AGR2: variants seen among roughly 807,000 people sequenced by gnomAD.
AGR2 encodes the protein anterior gradient protein 2 homolog.
Under a neutral mutation model 25.9 loss-of-function variants are expected in AGR2, and 27 were observed. The ratio of observed to expected loss-of-function variants is 1.04; its 90% confidence interval spans 0.77 to 1.44. The LOEUF (loss-of-function observed/expected upper bound fraction) is 1.44. AGR2 is among the 40% of genes most tolerant of loss of function. The pLI is 0.00. For missense variants in AGR2, 182 were observed against 200.9 expected (o/e 0.91, Z 0.57); for synonymous variants, 78 against 72.0 (o/e 1.08, Z -0.42).
At chr7:16,801,908 T>TA in intron 1 of AGR2, 105 bp from the exon 2 acceptor site, 1 of 914,586 alleles carries the variant, frequency 1.1e-6, no homozygotes. Flanking sequence ...ACTGAGGCTC[T>TA]GCTGAGACTG....
At chr7:16,796,954 C>G (rs187520918) in intron 6 of AGR2, among the ~76,000 whole-genome samples, 2 of 151,718 alleles carry the variant, frequency 1.3e-5, no homozygotes, top group East Asian at 3.9e-4. Context: ...CAGAATCTCG[C>G]TCTGTTGCCC....
At position 16,799,747 on chromosome 7, in the gene AGR2, C is replaced by T; in HGVS notation, c.327G>A (p.Leu109=). Residue 109 remains leucine, a synonymous_variant, in exon 5 of 8, where the codon CTG becomes CTA. Transcript: ENST00000419304. ...KLAEQFVLLN[L]VYETTDKHLS... Reference sequence around the variant, plus strand: ...TAATGATGAAAAGGAAACTTACAACCAGATTGAGGAGGACAAACTGCTCTG... The same window carrying T: ...TAATGATGAAAAGGAAACTTACAACTAGATTGAGGAGGACAAACTGCTCTG... 6.2e-7 allele frequency: 1 copy of T among 1,610,366 alleles called. No individual in the cohort carries two copies.
At chr7:16,801,840 T>C in intron 1 of AGR2, 37 bp from the exon 2 acceptor site, 3 of 1,581,816 alleles carry the variant, frequency 1.9e-6, no homozygotes, top group Non-Finnish European at 2.6e-6. Context: ...GTAAACAAAA[T>C]TGAACTAGCA....
chr7:16,798,368 A>T (rs819009), intron 5 of AGR2, among the ~76,000 whole-genome samples: 17,023 of 152,158 alleles, frequency 0.11, 2,061 homozygotes, highest in African/African-American at 0.3. Context: ...TGGAGAGGAC[A>T]GGTGGAGCAT....
chr7:16,803,196 A>T (rs1352853460), intron 1 of AGR2: 2 of 152,210 alleles, frequency 1.3e-5, no homozygotes, highest in Non-Finnish European at 2.9e-5. Context: ...AGGAAAAACT[A>T]AAGCCTATGA....
intron 2 of AGR2, 64 bp downstream of exon 2, chr7:16,801,594 C>T (rs753585901): frequency 6.2e-7 from 1 of 1,603,330 alleles, no homozygotes; most frequent in Non-Finnish European, 8.5e-7. Flanking sequence ...GTTTAAGCAC[C>T]AAGAGAGAGG....
rs187885113 is a variant in AGR2 at position 16,799,990 on chromosome 7, C to T, written c.257-173G>A. On this transcript the variant is annotated intron_variant, in intron 4 of 7. Coordinates refer to ENST00000419304, the MANE Select transcript of AGR2 (RefSeq NM_006408.4). ...AAGTAATATCTATGGCATTGACTAC[C>T]TCTGCTTTCTATTCACTCATTCATC... is the stretch of plus-strand genomic sequence containing the variant. Among the ~76,000 whole-genome samples the T allele has an allele frequency of 4.6e-5, 7 of 152,248 alleles. No homozygotes were observed. The East Asian group carries it at 9.7e-4, about 21-fold the overall frequency.
At chr7:16,798,415 TGGG>T (rs371334143) in intron 5 of AGR2, among the ~76,000 whole-genome samples, 1 of 151,964 alleles carries the variant, frequency 6.6e-6, no homozygotes, top group Admixed American at 6.6e-5. Flanking sequence ...AGGACTGAGT[TGGG>T]GGGATGCACG....
chr7:16,802,819 G>C (rs1204102319), intron 1 of AGR2, among the ~76,000 whole-genome samples: 1 of 152,018 alleles, frequency 6.6e-6, no homozygotes, highest in Non-Finnish European at 1.5e-5. Context: ...ACATACTCTA[G>C]TAGCTAAGAA....
intron 6 of AGR2, 75 bp downstream of exon 6, chr7:16,797,547 TGGCAAGGGA>T: frequency 2.5e-6 from 3 of 1,213,498 alleles, no homozygotes; most frequent in Non-Finnish European, 3.6e-6. Flanking sequence ...CATGGCAACG[TGGCAAGGGA>T]CAGTGGGGAG....
In AGR2 at chr7:16,799,139, C is replaced by G. The variant is rs17136653; in HGVS notation, c.330+605G>C. ...CCCATGGAAGAGAGGCAAGGAAGAACTACTGGTGCGAAGTGGTCTTTAAGG... is the reference window on the plus strand; with the variant it reads ...CCCATGGAAGAGAGGCAAGGAAGAAGTACTGGTGCGAAGTGGTCTTTAAGG... On this transcript the variant is annotated intron_variant, in intron 5 of 7. Transcript: ENST00000419304. Among the ~76,000 whole-genome samples, 428 of 152,220 alleles carry G rather than the reference C, an allele frequency of 2.8e-3. 16 individuals are homozygous for G. In the East Asian group the frequency reaches 0.066, roughly 24 times the overall value.
chr7:16,795,118 G>T, intron 6 of AGR2, 99 bp from the exon 7 acceptor site: 1 of 1,277,596 alleles, frequency 7.8e-7, no homozygotes, highest in Non-Finnish European at 1.1e-6. Flanking sequence ...TTCATGTCCT[G>T]TGAGGGAATG....
chr7:16,803,925 A>G (rs1300156997), intron 1 of AGR2, among the ~76,000 whole-genome samples: 1 of 152,188 alleles, frequency 6.6e-6, no homozygotes, highest in Non-Finnish European at 1.5e-5. Flanking sequence ...CAGCATCTAT[A>G]TATATTCTAA....
In AGR2 at chr7:16,799,724, A is replaced by G; in HGVS notation, c.330+20T>C. On this transcript the variant is annotated intron_variant, in intron 5 of 7. Coordinates refer to ENST00000419304, the MANE Select transcript of AGR2 (RefSeq NM_006408.4). ...AATGAGCCATAGAGAAATGTTAGTA[A>G]TGATGAAAAGGAAACTTACAACCAG... is the stretch of plus-strand genomic sequence containing the variant. The G allele has an allele frequency of 6.3e-7, 1 of 1,581,504 alleles. No homozygotes were observed. The highest frequency in any genetic ancestry group is 8.7e-7 in the Non-Finnish European group (1 of 1,153,226).
chr7:16,802,325 C>G (rs114383645), intron 1 of AGR2, among the ~76,000 whole-genome samples: 40 of 152,150 alleles, frequency 2.6e-4, no homozygotes, highest in South Asian at 8.3e-4. Flanking sequence ...TACTAATGTG[C>G]GGTTTCAGGC....
intron 2 of AGR2, 35 bp from the exon 3 acceptor site, chr7:16,801,418 T>C: frequency 6.3e-7 from 1 of 1,592,828 alleles, no homozygotes. Flanking sequence ...TTGAAGCTTG[T>C]ATAAATTCAG....
rs924894490 is a variant in AGR2, at chr7:16,798,454, G to C, written c.331-760C>G. On this transcript the variant is annotated intron_variant, in intron 5 of 7. Transcript: ENST00000419304. ...AGGGCAGTGGCGAAAGAAGGTGCTA[G>C]AGCTGCTTCAGGGGCCGGCTTAGGA... Among the ~76,000 whole-genome samples, 5 of 152,174 alleles carry C rather than the reference G, an allele frequency of 3.3e-5. No homozygotes were observed. The East Asian group carries it at 9.6e-4, about 29-fold the overall frequency.
At chr7:16,803,589 CAT>C (rs1205635173) in intron 1 of AGR2, among the ~76,000 whole-genome samples, 2 of 151,948 alleles carry the variant, frequency 1.3e-5, no homozygotes, top group Non-Finnish European at 2.9e-5. Flanking sequence ...TTAACTAATC[CAT>C]AGTATGTAAG....
chr7:16,794,718 CTAAA>C, intron 7 of AGR2: 1 of 1,264,282 alleles, frequency 7.9e-7, no homozygotes, highest in Non-Finnish European at 1.1e-6. Context: ...GATACCTAAT[CTAAA>C]TAATTCATCT....
Sources: allele counts gnomAD v4.1 joint callset (sites outside exome capture counted in the v4.1 genomes callset), GRCh38; gene constraint gnomAD v4.1.1; transcripts MANE v1.5; gene names NCBI Gene and HGNC (gene_info 2026-07-23, HGNC 2026-07-21).